The following DOCK5 variants were observed in gnomAD, a reference collection of about 807,000 sequenced individuals.
DOCK5 encodes the protein dedicator of cytokinesis 5.
DOCK5 carries 142 observed loss-of-function variants against 251.8 expected under a neutral mutation model. The ratio of observed to expected loss-of-function variants is 0.56; its 90% CI spans 0.49 to 0.65. DOCK5 has a LOEUF of 0.65. Ranked by LOEUF, DOCK5 falls within the 30% of genes least tolerant of loss-of-function variation. The probability of loss-of-function intolerance (pLI) is 0.00; values close to 1 mark genes in which losing one functional copy is unlikely to be tolerated. For synonymous variants in DOCK5, 842 were observed against 835.5 expected, an observed-to-expected ratio of 1.01 and a Z score of -0.13; for missense variants, 2,111 against 2,312.3, an observed-to-expected ratio of 0.91 and a Z score of 1.79.
intron 3 of DOCK5, among the ~76,000 whole-genome samples, chr8:25,273,112 A>G (rs538071194): frequency 3.0e-4 from 45 of 152,136 alleles, no homozygotes; most frequent in African/African-American, 1.1e-3. Context: ...GGCAGAAGAA[A>G]CACCCAGAGT....
intron 33 of DOCK5, among the ~76,000 whole-genome samples, chr8:25,369,263 GAAAAAC>G (rs1800831772): frequency 6.6e-6 from 1 of 152,160 alleles, no homozygotes; most frequent in South Asian, 2.1e-4. Flanking sequence ...AAGTAAAATA[GAAAAAC>G]AAGAATTATT....
At chr8:25,291,958 G>C in intron 5 of DOCK5, 66 bp from the exon 6 acceptor site, 1 of 1,408,946 alleles carries the variant, frequency 7.1e-7, no homozygotes, top group Non-Finnish European at 9.4e-7. Context: ...ATAAAAAAAG[G>C]ATGTTCCCAT....
At chr8:25,246,475 T>C (rs968423714) in intron 2 of DOCK5, among the ~76,000 whole-genome samples, 1 of 152,254 alleles carries the variant, frequency 6.6e-6, no homozygotes, top group South Asian at 2.1e-4. Flanking sequence ...GGTTTCCCCA[T>C]GTTGGCCAGG....
At chr8:25,252,148 T>C (rs1510764) in intron 2 of DOCK5, among the ~76,000 whole-genome samples, 37,583 of 152,104 alleles carry the variant, frequency 0.25, 6,474 homozygotes, top group African/African-American at 0.49. Context: ...TCACATTCTG[T>C]TATGCTCTAT....
intron 2 of DOCK5, among the ~76,000 whole-genome samples, chr8:25,265,350 G>A (rs952617692): frequency 1.3e-5 from 2 of 151,836 alleles, no homozygotes; most frequent in Non-Finnish European, 2.9e-5. Flanking sequence ...AGTCTCTTGC[G>A]CTGAACTCTG....
chr8:25,382,548 G>T (rs759449393), intron 39 of DOCK5, 126 bp from the exon 40 acceptor site: 1 of 731,590 alleles, frequency 1.4e-6, no homozygotes, highest in Non-Finnish European at 2.3e-6. Flanking sequence ...CTGCCCATAG[G>T]GTGTTTTCCA....
chr8:25,283,648 C>T (rs1394953099), intron 5 of DOCK5, among the ~76,000 whole-genome samples: 1 of 152,078 alleles, frequency 6.6e-6, no homozygotes, highest in Non-Finnish European at 1.5e-5. Flanking sequence ...ACTGCCTGCC[C>T]AAGACTCTGA....
At chr8:25,199,665 G>A (rs1357787674) in intron 1 of DOCK5, among the ~76,000 whole-genome samples, 1 of 152,208 alleles carries the variant, frequency 6.6e-6, no homozygotes, top group African/African-American at 2.4e-5. Flanking sequence ...TTACATGCGT[G>A]AGCCACCACG....
intron 44 of DOCK5, 136 bp from the exon 45 acceptor site, chr8:25,395,406 TA>T: frequency 1.0e-6 from 1 of 986,340 alleles, no homozygotes; most frequent in Non-Finnish European, 1.5e-6. Flanking sequence ...GCTATAAGTC[TA>T]ACCTTGATTA....
chr8:25,265,824 T>G (rs1010458354), intron 2 of DOCK5, among the ~76,000 whole-genome samples: 2 of 151,920 alleles, frequency 1.3e-5, no homozygotes, highest in African/African-American at 4.9e-5. Context: ...ATAAGAGTCC[T>G]GACTGATGGA....
chr8:25,363,788 C>T (rs1211029759), intron 29 of DOCK5, among the ~76,000 whole-genome samples: 2 of 152,246 alleles, frequency 1.3e-5, no homozygotes, highest in Non-Finnish European at 2.9e-5. Flanking sequence ...CTCTGCCTCA[C>T]ACCGGTCTTC....
chr8:25,341,107 A>G, intron 23 of DOCK5, 119 bp downstream of exon 23: 1 of 647,490 alleles, frequency 1.5e-6, no homozygotes, highest in Non-Finnish European at 2.6e-6. Flanking sequence ...TGCATAGCTT[A>G]TGAATTTTAG....
At chr8:25,239,327 G>A (rs1452636800) in intron 1 of DOCK5, among the ~76,000 whole-genome samples, 1 of 131,916 alleles carries the variant, frequency 7.6e-6, no homozygotes, top group Non-Finnish European at 1.6e-5. Context: ...ATATGTGTGT[G>A]TGTGTGTGTG....
At chr8:25,364,948 A>T (rs1213160003) in intron 30 of DOCK5, among the ~76,000 whole-genome samples, 2 of 152,222 alleles carry the variant, frequency 1.3e-5, no homozygotes, top group African/African-American at 4.8e-5. Context: ...GTAATAGTAG[A>T]AGATCAAAAA....
At chr8:25,310,736 C>A (rs776077200) in intron 13 of DOCK5, among the ~76,000 whole-genome samples, 17 of 152,202 alleles carry the variant, frequency 1.1e-4, no homozygotes, top group Non-Finnish European at 2.2e-4. Flanking sequence ...ATAAAAACCT[C>A]TGCTCTGACT....
chr8:25,285,600 G>A (rs1428915953), intron 5 of DOCK5, among the ~76,000 whole-genome samples: 2 of 152,176 alleles, frequency 1.3e-5, no homozygotes, highest in Non-Finnish European at 2.9e-5. Flanking sequence ...GGGGGTAGGG[G>A]AACTTGCAGA....
intron 51 of DOCK5, among the ~76,000 whole-genome samples, chr8:25,410,799 C>T (rs1801608742): frequency 6.6e-6 from 1 of 150,606 alleles, no homozygotes; most frequent in Non-Finnish European, 1.5e-5. Flanking sequence ...GAGTTTACTT[C>T]TTCTGAATAA....
chr8:25,235,517 C>G (rs532632565), intron 1 of DOCK5, among the ~76,000 whole-genome samples: 2 of 152,272 alleles, frequency 1.3e-5, no homozygotes, highest in African/African-American at 4.8e-5. Context: ...CTCAGCCTCC[C>G]GAAATGCTGG....
intron 27 of DOCK5, among the ~76,000 whole-genome samples, chr8:25,355,601 C>T (rs1198187161): frequency 6.6e-6 from 1 of 151,996 alleles, no homozygotes; most frequent in Non-Finnish European, 1.5e-5. Flanking sequence ...AAGTGTGTGC[C>T]CTGACACCCA....
Sources: allele counts gnomAD v4.1 joint callset (sites outside exome capture counted in the v4.1 genomes callset), GRCh38; gene constraint gnomAD v4.1.1; transcripts MANE v1.5; gene names NCBI Gene and HGNC (gene_info 2026-07-23, HGNC 2026-07-21).